Variants in COA6 observed in about 807,000 individuals in gnomAD.
COA6 encodes cytochrome c oxidase assembly factor 6.
COA6 carries 12 observed loss-of-function variants against 17.1 expected under a neutral mutation model. The observed-to-expected ratio is 0.70, with a 90% CI of 0.45 to 1.14. The LOEUF is 1.14. COA6 is among the 50% of genes most tolerant of loss of function. The pLI is 0.00. For missense variants in COA6, 246 were observed against 196.5 expected, an observed-to-expected ratio of 1.25 and a Z score of -1.51; for synonymous variants, 90 against 73.4, an observed-to-expected ratio of 1.23 and a Z score of -1.16.
At chr1:234,379,775 G>A (rs1280439170) in intron 2 of COA6, among the ~76,000 whole-genome samples, 1 of 152,098 alleles carries the variant, frequency 6.6e-6, no homozygotes, top group Non-Finnish European at 1.5e-5. Context: ...AAACAAAGGG[G>A]GAAGAGCCCC....
At chr1:234,381,530 A>T (rs1658971841) in intron 2 of COA6, among the ~76,000 whole-genome samples, 1 of 152,230 alleles carries the variant, frequency 6.6e-6, no homozygotes, top group Non-Finnish European at 1.5e-5. Context: ...TTTGTCTTAG[A>T]AACCTTAAAG....
Position 234,383,748 on chromosome 1 carries a change from A to T in COA6, c.398A>T (p.Asp133Val). 1 of 1,505,816 alleles carries T rather than the reference A, an allele frequency of 6.6e-7. No homozygotes were observed. The highest frequency in any genetic ancestry group is 9.2e-7 in the Non-Finnish European group (1 of 1,086,620). The allele number at this position is 1,505,816 out of a possible 1,614,324, so 93.3% of individuals were successfully genotyped here. Residue 133 changes from aspartate to valine, a missense_variant, in exon 3 of 3, where the codon GAC (aspartate) becomes GTC (valine). Asp to Val is a radical substitution (Grantham distance 152). Coordinates refer to ENST00000366615, the MANE Select transcript of COA6 (RefSeq NM_001206641.3). ...ATAAAATATTTTGATAAAAGAAGAG[A>T]CTACTTAAAATTCAAAGAAAAATTT... ...QWIKYFDKRR[D>V]YLKFKEKFEA... is the part of the protein sequence containing the mutation.
chr1:234,373,887 C>G, intron 1 of COA6: 1 of 1,591,608 alleles, frequency 6.3e-7, no homozygotes, highest in Non-Finnish European at 8.6e-7. Flanking sequence ...CCCCGCTTTA[C>G]TGGTGGGAAA....
chr1:234,383,056 G>GA (rs1659022019), intron 2 of COA6, among the ~76,000 whole-genome samples: 5 of 121,770 alleles, frequency 4.1e-5, no homozygotes, highest in Non-Finnish European at 5.5e-5. Context: ...GGGAGGGAGG[G>GA]AGGGAGGGAG....
Position 234,384,766 on chromosome 1 carries a change from A to G in COA6, c.*948A>G, listed in dbSNP as rs1349000503. ...AAAATTTTTGGGAAAAGGAAAAACGAGTAAAAATAATAAAAATTTAAAAAT... is the reference window on the plus strand; with the variant it reads ...AAAATTTTTGGGAAAAGGAAAAACGGGTAAAAATAATAAAAATTTAAAAAT... On this transcript the variant is annotated 3_prime_UTR_variant, in exon 3 of 3. Coordinates refer to ENST00000366615, the MANE Select transcript of COA6 (RefSeq NM_001206641.3). Among the ~76,000 whole-genome samples, 4 of 152,324 alleles carry G rather than the reference A, an allele frequency of 2.6e-5. No individual in the cohort carries two copies. The highest frequency in any genetic ancestry group is 2.1e-4 in the South Asian group (1 of 4,828).
chr1:234,382,062 A>T (rs141080417), intron 2 of COA6, among the ~76,000 whole-genome samples: 1 of 152,338 alleles, frequency 6.6e-6, no homozygotes, highest in Non-Finnish European at 1.5e-5. Flanking sequence ...AAGACCACAC[A>T]CCAGAGAACT....
At chr1:234,375,317 C>T (rs1337630984) in intron 2 of COA6, among the ~76,000 whole-genome samples, 3 of 152,156 alleles carry the variant, frequency 2.0e-5, no homozygotes, top group East Asian at 3.9e-4. Context: ...TCTCTATCTC[C>T]AGAGGAGGCA....
Position 234,373,556 on chromosome 1 carries a change from G to A in COA6, c.90G>A (p.Glu30=), listed in dbSNP as rs781144654. ...GGAGGTCTACGCTTCTAGAGCTTGA[G>A]CCAGCGGGGCGACCCTGCAGTGGCA... ...RLGRSTLLEL[E]PAGRPCSGRT... The change falls in exon 1 of 3, where the codon GAG becomes GAA. Residue 30 remains glutamate (E), a synonymous_variant. Transcript: ENST00000366615. 7.8e-5 allele frequency: 126 copies of A among 1,611,886 alleles called. No homozygotes were observed. The highest frequency in any genetic ancestry group is 9.8e-5 in the Non-Finnish European group (116 of 1,179,374).
chr1:234,379,529 G>T (rs1658910301), intron 2 of COA6, among the ~76,000 whole-genome samples: 1 of 152,196 alleles, frequency 6.6e-6, no homozygotes. Flanking sequence ...CGCGAGTTTT[G>T]ACCTGAGTAC....
chr1:234,381,591 A>C (rs914185672), intron 2 of COA6, among the ~76,000 whole-genome samples: 3 of 152,208 alleles, frequency 2.0e-5, no homozygotes, highest in African/African-American at 7.2e-5. Context: ...ACCTGATCAA[A>C]TTTGGGTTTC....
At chr1:234,382,439 A>T (rs1659002513) in intron 2 of COA6, among the ~76,000 whole-genome samples, 1 of 152,208 alleles carries the variant, frequency 6.6e-6, no homozygotes. Context: ...CCCAATGAAT[A>T]AGAAAGCAGT....
chr1:234,385,042 T>A lies in COA6; in HGVS notation c.*1224T>A, dbSNP rs200543510. 1.8e-4 allele frequency among the ~76,000 whole-genome samples: 26 copies of A among 141,454 alleles called. No homozygotes were observed. Among genetic ancestry groups the A allele is most frequent in the African/African-American group, 6.2e-4 (25 of 40,352 alleles). 92.8% of individuals were successfully genotyped at this position (141,454 alleles called of 152,430 possible). A position where few individuals can be genotyped will look rare whatever the true frequency, so the allele number is the denominator to read the frequency against. ...TATATGCCTTCATTTTAAAATACTT[T>A]TTATTACTAAAAAATGCTAAAGATT... On this transcript the variant is annotated 3_prime_UTR_variant, in exon 3 of 3. Coordinates refer to ENST00000366615, the MANE Select transcript of COA6 (RefSeq NM_001206641.3).
At chr1:234,376,073 G>A (rs575458968) in intron 2 of COA6, among the ~76,000 whole-genome samples, 1 of 152,196 alleles carries the variant, frequency 6.6e-6, no homozygotes, top group Non-Finnish European at 1.5e-5. Context: ...ACTGATCAAT[G>A]TGGGACTCTA....
At chr1:234,374,938 G>GTAA (rs1658745527) in intron 2 of COA6, among the ~76,000 whole-genome samples, 1 of 152,140 alleles carries the variant, frequency 6.6e-6, no homozygotes, top group Admixed American at 6.5e-5. Context: ...ACTGAGGTTA[G>GTAA]TAAGTGGCCA....
rs1299193191 is a variant in COA6, at chr1:234,383,044, G to A, written c.373-679G>A. ...GAGAGAGAGAGAGAAGGAAGGGAGG[G>A]AGGGAGGGAGGGAGGGAGGGAGGGA... On this transcript the variant is annotated intron_variant, in intron 2 of 2. Transcript: ENST00000366615. Among the ~76,000 whole-genome samples, 106 of 126,660 alleles carry A rather than the reference G, an allele frequency of 8.4e-4. 4 individuals are homozygous for A. Among genetic ancestry groups the A allele is most frequent in the African/African-American group, 2.8e-3 (90 of 32,122 alleles). The allele number at this position is 126,660 out of a possible 152,430, so 83.1% of individuals were successfully genotyped here.
chr1:234,382,617 A>G (rs566821260), intron 2 of COA6, among the ~76,000 whole-genome samples: 126 of 152,350 alleles, frequency 8.3e-4, no homozygotes, highest in Non-Finnish European at 1.4e-3. Context: ...ACTTACGAGC[A>G]CCACTGAAAT....
intron 2 of COA6, among the ~76,000 whole-genome samples, chr1:234,381,244 A>G (rs940537961): frequency 6.6e-6 from 1 of 152,192 alleles, no homozygotes; most frequent in African/African-American, 2.4e-5. Flanking sequence ...GACCACTCGC[A>G]TATGTGTATA....
chr1:234,381,283 T>G (rs758138049), intron 2 of COA6, among the ~76,000 whole-genome samples: 1 of 152,228 alleles, frequency 6.6e-6, no homozygotes, highest in Non-Finnish European at 1.5e-5. Context: ...CCTTGTTGAT[T>G]CATTAGCCTT....
intron 2 of COA6, among the ~76,000 whole-genome samples, chr1:234,381,943 A>G (rs1207212844): frequency 5.9e-5 from 9 of 152,204 alleles, no homozygotes; most frequent in African/African-American, 1.7e-4. Flanking sequence ...GTTAAGGGCA[A>G]TGTCCACTTC....
Sources: gnomAD v4.1 joint callset for allele counts (sites outside exome capture counted in the v4.1 genomes callset) on GRCh38, gnomAD v4.1.1 for gene constraint, MANE v1.5 for transcripts, NCBI Gene and HGNC (gene_info 2026-07-23, HGNC 2026-07-21) for gene names.